GNA12: variants seen among roughly 807,000 people sequenced by gnomAD.
The protein encoded by GNA12 is G protein subunit alpha 12.
GNA12 carries 9 observed loss-of-function variants against 26.0 expected under a neutral mutation model. That is an observed-to-expected ratio of 0.35 (90% CI 0.21 to 0.60). The LOEUF (loss-of-function observed/expected upper bound fraction) is 0.60. Among genes scored for constraint, GNA12 ranks in the 20% least tolerant of loss-of-function variants. The pLI is 0.78. For missense variants in GNA12, 405 were observed against 525.8 expected (o/e 0.77, Z 2.25); for synonymous variants, 264 against 219.6 (o/e 1.20, Z -1.79).
chr7:2,745,676 C>T (rs1790730484), intron 2 of GNA12, among the ~76,000 whole-genome samples: 1 of 152,188 alleles, frequency 6.6e-6, no homozygotes, highest in South Asian at 2.1e-4. Flanking sequence ...ACAATATTAA[C>T]TTTGAATGTA....
chr7:2,790,516 C>T (rs1460748413), intron 2 of GNA12, among the ~76,000 whole-genome samples: 2 of 152,224 alleles, frequency 1.3e-5, no homozygotes, highest in Non-Finnish European at 2.9e-5. Flanking sequence ...AGCACAGGGC[C>T]TGGCACACAG....
intron 2 of GNA12, among the ~76,000 whole-genome samples, chr7:2,736,070 G>GTCT (rs1249042710): frequency 6.6e-6 from 1 of 152,148 alleles, no homozygotes; most frequent in Non-Finnish European, 1.5e-5. Flanking sequence ...GACTCCTCAA[G>GTCT]TCTTACAGCA....
intron 2 of GNA12, among the ~76,000 whole-genome samples, chr7:2,748,844 G>C (rs1562403540): frequency 6.6e-6 from 1 of 152,058 alleles, no homozygotes; most frequent in Non-Finnish European, 1.5e-5. Context: ...TCAAAAAGTG[G>C]GCAAAGGACA....
At chr7:2,825,844 C>A (rs971098108) in intron 1 of GNA12, among the ~76,000 whole-genome samples, 1 of 151,900 alleles carries the variant, frequency 6.6e-6, no homozygotes, top group South Asian at 2.1e-4. Context: ...CTCATTCCAG[C>A]GTTCATCCCA....
intron 3 of GNA12, among the ~76,000 whole-genome samples, chr7:2,733,075 C>T (rs945542319): frequency 3.3e-5 from 5 of 152,126 alleles, no homozygotes; most frequent in Admixed American, 6.6e-5. Context: ...GCATTTGCTC[C>T]CGGAGGCCGG....
At chr7:2,785,376 T>C (rs1792332315) in intron 2 of GNA12, among the ~76,000 whole-genome samples, 1 of 152,206 alleles carries the variant, frequency 6.6e-6, no homozygotes, top group Non-Finnish European at 1.5e-5. Context: ...CAATATCAAA[T>C]AGGATTTGGT....
At chr7:2,802,149 G>A (rs920561285) in intron 1 of GNA12, among the ~76,000 whole-genome samples, 1 of 151,930 alleles carries the variant, frequency 6.6e-6, no homozygotes, top group Non-Finnish European at 1.5e-5. Flanking sequence ...TAATAGCTAA[G>A]AGAAAAATCC....
chr7:2,744,032 TGGGTGGAGCCCACCACA>T (rs1416404088), intron 2 of GNA12, among the ~76,000 whole-genome samples: 2 of 152,206 alleles, frequency 1.3e-5, no homozygotes, highest in Non-Finnish European at 2.9e-5. Flanking sequence ...AAGCTCAAAC[TGGGTGGAGCCCACCACA>T]GCTCAAGGAG....
intron 2 of GNA12, among the ~76,000 whole-genome samples, chr7:2,772,586 A>T (rs1791976946): frequency 1.3e-5 from 2 of 152,058 alleles, no homozygotes; most frequent in Admixed American, 1.3e-4. Flanking sequence ...AAAGGTGCCA[A>T]ACTTATTTAG....
intron 2 of GNA12, among the ~76,000 whole-genome samples, chr7:2,788,119 A>C (rs1197874882): frequency 1.3e-5 from 2 of 151,710 alleles, no homozygotes; most frequent in Non-Finnish European, 2.9e-5. Flanking sequence ...GTGCCACTGC[A>C]CTCCAGCCTG....
intron 2 of GNA12, among the ~76,000 whole-genome samples, chr7:2,790,551 T>C (rs796866622): frequency 3.7e-4 from 57 of 152,320 alleles, no homozygotes; most frequent in African/African-American, 1.0e-3. Context: ...AAGAATACCC[T>C]TCCGTGGCAC....
intron 2 of GNA12, among the ~76,000 whole-genome samples, chr7:2,779,863 G>A (rs961145065): frequency 1.3e-4 from 20 of 151,980 alleles, no homozygotes; most frequent in African/African-American, 4.8e-4. Flanking sequence ...CTCCCAAAGT[G>A]GTGGGATTAC....
At chr7:2,744,576 G>C (rs933537813) in intron 2 of GNA12, among the ~76,000 whole-genome samples, 4 of 152,146 alleles carry the variant, frequency 2.6e-5, no homozygotes, top group Non-Finnish European at 5.9e-5. Context: ...GGAAAAAACA[G>C]AGCAGAAAAA....
Position 2,740,906 on chromosome 7 carries a change from G to A in GNA12, c.526-7405C>T, listed in dbSNP as rs190621516. Among the ~76,000 whole-genome samples, 8 of 152,260 alleles carry A rather than the reference G, an allele frequency of 5.3e-5. No homozygotes were observed. In the East Asian group the frequency reaches 9.7e-4, roughly 18 times the overall value. The stretch of plus-strand genomic sequence containing the variant: ...AAAAATACAAAAAAATTAGTCGGGC[G>A]TGGTGGCAGGTGCCTGTAGTCCCAG... On this transcript the variant is annotated intron_variant, in intron 2 of 3. Transcript: ENST00000275364.
At chr7:2,835,837 G>C (rs760521909) in intron 1 of GNA12, 5 of 633,572 alleles carry the variant, frequency 7.9e-6, no homozygotes, top group Non-Finnish European at 1.5e-5. Context: ...TCAAATCGGT[G>C]ATGTCTTCAT....
chr7:2,737,071 A>G (rs184005591), intron 2 of GNA12, among the ~76,000 whole-genome samples: 2 of 152,278 alleles, frequency 1.3e-5, no homozygotes, highest in Non-Finnish European at 2.9e-5. Flanking sequence ...CATTAAAGAC[A>G]GCCCATGTGT....
chr7:2,776,545 C>T (rs1206830136), intron 2 of GNA12, among the ~76,000 whole-genome samples: 1 of 152,174 alleles, frequency 6.6e-6, no homozygotes, highest in African/African-American at 2.4e-5. Context: ...AAAGGACGTC[C>T]CCATTCGATG....
intron 1 of GNA12, among the ~76,000 whole-genome samples, chr7:2,833,412 A>G (rs563726148): frequency 1.3e-5 from 2 of 152,370 alleles, no homozygotes; most frequent in African/African-American, 2.4e-5. Flanking sequence ...CGAGCTGTCA[A>G]CGGAACACTA....
At chr7:2,783,864 T>C (rs929473406) in intron 2 of GNA12, among the ~76,000 whole-genome samples, 6 of 151,834 alleles carry the variant, frequency 4.0e-5, no homozygotes, top group Non-Finnish European at 8.8e-5. Context: ...TTTGTATTTT[T>C]AGTAGAGACA....
Sources: gnomAD v4.1 joint callset for allele counts (sites outside exome capture counted in the v4.1 genomes callset) on GRCh38, gnomAD v4.1.1 for gene constraint, MANE v1.5 for transcripts, NCBI Gene and HGNC (gene_info 2026-07-23, HGNC 2026-07-21) for gene names.